UTS2B: variants seen among roughly 807,000 people sequenced by gnomAD.
UTS2B encodes the protein urotensin-2B.
UTS2B carries 21 observed loss-of-function variants against 19.2 expected under a neutral mutation model. The ratio of observed to expected loss-of-function variants is 1.09; its 90% CI spans 0.78 to 1.58. UTS2B has a LOEUF of 1.58. Ranked by LOEUF, UTS2B falls within the 40% of genes most tolerant of loss-of-function variation. The probability of loss-of-function intolerance (pLI) is 0.00; values close to 1 mark genes in which losing one functional copy is unlikely to be tolerated. For missense variants in UTS2B, 138 were observed against 130.3 expected, an observed-to-expected ratio of 1.06 and a Z score of -0.29; for synonymous variants, 57 against 50.2, an observed-to-expected ratio of 1.14 and a Z score of -0.58.
At chr3:191,312,502 C>G (rs1191638377) in intron 3 of UTS2B, among the ~76,000 whole-genome samples, 1 of 152,022 alleles carries the variant, frequency 6.6e-6, no homozygotes, top group African/African-American at 2.4e-5. Context: ...CCTCAGGGAC[C>G]CATCAGTTTA....
intron 4 of UTS2B, among the ~76,000 whole-genome samples, chr3:191,303,455 T>G (rs1268758747): frequency 6.6e-6 from 1 of 152,106 alleles, no homozygotes; most frequent in African/African-American, 2.4e-5. Context: ...ACATGTCCTT[T>G]GAACACACAT....
At position 191,303,583 on chromosome 3, in the gene UTS2B, C is replaced by A. The variant is rs530847408; in HGVS notation, c.-125+909G>T. Reference sequence around the variant, plus strand: ...TTCACAAATGCCTATTTATCTCTAACCATGTGACTATCATGTTACGAGGTT... The same window carrying A: ...TTCACAAATGCCTATTTATCTCTAAACATGTGACTATCATGTTACGAGGTT... On this transcript the variant is annotated intron_variant, in intron 4 of 8. Transcript: ENST00000340524. Among the ~76,000 whole-genome samples, 7 of 150,974 alleles carry A rather than the reference C, an allele frequency of 4.6e-5. No homozygotes were observed. The South Asian group carries it at 1.5e-3, about 32-fold the overall frequency.
chr3:191,299,401 T>G (rs1716935713), intron 4 of UTS2B, among the ~76,000 whole-genome samples: 1 of 152,254 alleles, frequency 6.6e-6, no homozygotes, highest in Non-Finnish European at 1.5e-5. Flanking sequence ...GACACTGCTC[T>G]TCACAGCTCA....
At chr3:191,344,801 A>G in the UTS2B span, among the ~76,000 whole-genome samples, 6 of 152,130 alleles carry the variant, frequency 3.9e-5, no homozygotes, top group African/African-American at 1.2e-4. Context: ...CTGGTCTCGA[A>G]CTCGGGAGCT....
At chr3:191,310,128 A>T (rs1717258360) in intron 3 of UTS2B, among the ~76,000 whole-genome samples, 1 of 149,930 alleles carries the variant, frequency 6.7e-6, no homozygotes, top group Non-Finnish European at 1.5e-5. Flanking sequence ...ATGCCTGGCT[A>T]TTTTTTTTTG....
At position 191,317,906 on chromosome 3, in the gene UTS2B, A is replaced by G. The variant is rs572298563; in HGVS notation, c.-585-1467T>C. Reference sequence around the variant, plus strand: ...GGTTTTTTTATTTTTATTTTTTTTAACAAGACAACTGACTTCCTTAAGAGC... The same window carrying G: ...GGTTTTTTTATTTTTATTTTTTTTAGCAAGACAACTGACTTCCTTAAGAGC... On this transcript the variant is annotated intron_variant, in intron 2 of 8. Coordinates refer to ENST00000340524, the MANE Select transcript of UTS2B (RefSeq NM_198152.5). 1.8e-4 allele frequency among the ~76,000 whole-genome samples: 28 copies of G among 152,154 alleles called. 2 individuals carry two copies. In the South Asian group the frequency reaches 5.8e-3, roughly 32 times the overall value.
chr3:191,329,592 T>C, intron 1 of UTS2B: 1 of 1,460,472 alleles, frequency 6.8e-7, no homozygotes, highest in Non-Finnish European at 9.3e-7. Flanking sequence ...CGTCCGGCGC[T>C]GCTGCTGCGC....
chr3:191,291,461 C>CTT (rs11457998), intron 4 of UTS2B, among the ~76,000 whole-genome samples: 21 of 150,968 alleles, frequency 1.4e-4, no homozygotes, highest in Admixed American at 2.0e-4. Flanking sequence ...GAACCACTTT[C>CTT]TTTTTTTTTG....
At chr3:191,321,104 T>C (rs1021891783) in intron 2 of UTS2B, among the ~76,000 whole-genome samples, 3 of 152,092 alleles carry the variant, frequency 2.0e-5, no homozygotes, top group African/African-American at 7.2e-5. Context: ...AGAACTGGAG[T>C]ATTGTCTGAA....
At chr3:191,270,106 GT>G (rs1716046321) in intron 8 of UTS2B, among the ~76,000 whole-genome samples, 1 of 152,228 alleles carries the variant, frequency 6.6e-6, no homozygotes, top group Non-Finnish European at 1.5e-5. Context: ...GTAAGCGTAA[GT>G]TTTTACTGTC....
chr3:191,288,586 G>A (rs1315528591), intron 4 of UTS2B, among the ~76,000 whole-genome samples: 1 of 152,054 alleles, frequency 6.6e-6, no homozygotes, highest in East Asian at 1.9e-4. Flanking sequence ...AAGAATAGAA[G>A]TAGACCCTTA....
Position 191,268,116 on chromosome 3 carries a change from C to T in UTS2B, c.*300G>A, listed in dbSNP as rs1019582742. On this transcript the variant is annotated 3_prime_UTR_variant, in exon 9 of 9. Coordinates refer to ENST00000340524, the MANE Select transcript of UTS2B (RefSeq NM_198152.5). ...CTCTCCACGAGGGGCGCATTCCATT[C>T]CCAGAGCTATGAACATCTGCTTTTC... 8 of 219,460 alleles carry T rather than the reference C, an allele frequency of 3.6e-5. No homozygotes were observed. The highest frequency in any genetic ancestry group is 1.2e-4 in the Admixed American group (2 of 16,940). The allele number at this position is 219,460 out of a possible 1,614,324, so 13.6% of individuals were successfully genotyped here. A position where few individuals can be genotyped will look rare whatever the true frequency, so the allele number is the denominator to read the frequency against.
At chr3:191,311,961 GA>G (rs1308390644) in intron 3 of UTS2B, among the ~76,000 whole-genome samples, 2 of 151,344 alleles carry the variant, frequency 1.3e-5, no homozygotes. Flanking sequence ...CCAGCATAAT[GA>G]AACCCATCTC....
At chr3:191,313,246 C>T (rs948939266) in intron 3 of UTS2B, among the ~76,000 whole-genome samples, 4 of 152,152 alleles carry the variant, frequency 2.6e-5, no homozygotes, top group Admixed American at 2.0e-4. Context: ...CCACCCACCT[C>T]GGCCTCCCAA....
intron 3 of UTS2B, among the ~76,000 whole-genome samples, chr3:191,310,208 C>T (rs908772706): frequency 2.6e-5 from 4 of 151,938 alleles, no homozygotes; most frequent in Non-Finnish European, 4.4e-5. Context: ...TCATGTGATC[C>T]CCCCGCCTCA....
chr3:191,294,038 G>C (rs933424218), intron 4 of UTS2B, among the ~76,000 whole-genome samples: 1 of 151,778 alleles, frequency 6.6e-6, no homozygotes, highest in Non-Finnish European at 1.5e-5. Flanking sequence ...AACCTGGGAG[G>C]GGGAGGTTGC....
intron 4 of UTS2B, among the ~76,000 whole-genome samples, chr3:191,289,444 AAAT>A (rs1466047001): frequency 1.4e-5 from 2 of 145,680 alleles, no homozygotes; most frequent in East Asian, 3.9e-4. Flanking sequence ...ATAAATAAAT[AAAT>A]AAAAAACAAA....
At chr3:191,295,989 A>T (rs1028560327) in intron 4 of UTS2B, among the ~76,000 whole-genome samples, 1 of 152,196 alleles carries the variant, frequency 6.6e-6, no homozygotes, top group Non-Finnish European at 1.5e-5. Flanking sequence ...AATCTTTTGG[A>T]AATGTAATTA....
intron 8 of UTS2B, chr3:191,273,711 T>C: frequency 2.9e-6 from 1 of 344,690 alleles, no homozygotes; most frequent in Non-Finnish European, 5.9e-6. Context: ...AACAAATCTC[T>C]ATTTCAACCT....
Sources: allele counts gnomAD v4.1 joint callset (sites outside exome capture counted in the v4.1 genomes callset), GRCh38; gene constraint gnomAD v4.1.1; transcripts MANE v1.5; gene names NCBI Gene and HGNC (gene_info 2026-07-23, HGNC 2026-07-21).